SGIP1: variants seen among roughly 807,000 people sequenced by gnomAD.
SGIP1 encodes SH3GL interacting endocytic adaptor 1, also known as SH3-containing GRB2-like protein 3-interacting protein 1.
Under a neutral mutation model 107.5 loss-of-function variants are expected in SGIP1, and 38 were observed. The observed-to-expected ratio is 0.35, with a 90% CI of 0.27 to 0.46. The LOEUF is 0.46. Ranked by LOEUF, SGIP1 falls within the 20% of genes least tolerant of loss-of-function variation. SGIP1 has a pLI of 1.00. For missense variants in SGIP1, 929 were observed against 1,019.5 expected (o/e 0.91, Z 1.21); for synonymous variants, 365 against 366.1 (o/e 1.00, Z 0.03).
intron 2 of SGIP1, among the ~76,000 whole-genome samples, chr1:66,627,336 G>A (rs1028481221): frequency 4.6e-5 from 7 of 152,076 alleles, no homozygotes; most frequent in African/African-American, 1.7e-4. Flanking sequence ...AAGCAAAAGT[G>A]GAAAGGTAGT....
intron 19 of SGIP1, 88 bp from the exon 20 acceptor site, chr1:66,729,176 C>A (rs2093897513): frequency 1.4e-6 from 2 of 1,425,228 alleles, no homozygotes; most frequent in Non-Finnish European, 1.9e-6. Flanking sequence ...TTTAACATTG[C>A]CTCATAAATT....
At chr1:66,629,956 A>G (rs76679080) in intron 2 of SGIP1, among the ~76,000 whole-genome samples, 2,938 of 152,284 alleles carry the variant, frequency 0.019, 92 homozygotes, top group African/African-American at 0.067. Context: ...TATGATGGCT[A>G]TTTTATAGAT....
At chr1:66,674,535 G>A (rs1316586607) in intron 12 of SGIP1, among the ~76,000 whole-genome samples, 1 of 152,176 alleles carries the variant, frequency 6.6e-6, no homozygotes, top group Non-Finnish European at 1.5e-5. Context: ...AGAATTGGAA[G>A]CATAGTGGGT....
At chr1:66,688,224 A>C (rs980997726) in intron 15 of SGIP1, among the ~76,000 whole-genome samples, 3 of 152,240 alleles carry the variant, frequency 2.0e-5, no homozygotes, top group African/African-American at 7.2e-5. Flanking sequence ...AAACCTCAGG[A>C]GTAGTCAGAA....
chr1:66,659,064 A>C (rs1333688657), intron 7 of SGIP1, among the ~76,000 whole-genome samples: 1 of 152,184 alleles, frequency 6.6e-6, no homozygotes, highest in Non-Finnish European at 1.5e-5. Context: ...TGGGAAGGGA[A>C]GTTGGAGCCC....
intron 1 of SGIP1, among the ~76,000 whole-genome samples, chr1:66,579,804 A>C (rs901262145): frequency 1.3e-5 from 2 of 152,106 alleles, no homozygotes; most frequent in Non-Finnish European, 2.9e-5. Flanking sequence ...ATCCCACCCA[A>C]ATACAACTGG....
chr1:66,609,049 T>TATCCCACAGGGATGAA (rs1553253355), intron 1 of SGIP1, among the ~76,000 whole-genome samples: 5 of 152,130 alleles, frequency 3.3e-5, no homozygotes, highest in South Asian at 2.1e-4. Context: ...AGGTCACTTT[T>TATCCCACAGGGATGAA]GACACTTGAG....
intron 1 of SGIP1, among the ~76,000 whole-genome samples, chr1:66,552,270 G>A (rs1416630891): frequency 6.6e-6 from 1 of 152,156 alleles, no homozygotes; most frequent in East Asian, 1.9e-4. Flanking sequence ...TGCCCACTTT[G>A]TTGGCTATTG....
In SGIP1 at chr1:66,660,001, AGACAGACAGAC is replaced by A. The variant is rs1557497581; in HGVS notation, c.460-511_460-501del. The A allele has an allele frequency of 2.7e-3, 221 of 80,808 alleles. 1 individual carries two copies. Among genetic ancestry groups the A allele is most frequent in the Non-Finnish European group, 3.2e-3 (162 of 50,444 alleles). The allele number at this position is 80,808 out of a possible 1,614,324, so 5.0% of individuals were successfully genotyped here. On this transcript the variant is annotated intron_variant, in intron 7 of 24. Coordinates refer to ENST00000371037, the MANE Select transcript of SGIP1 (RefSeq NM_032291.4). The stretch of plus-strand genomic sequence containing the variant: ...AAGAAAGAAAGAAAGAAAGAAAGAC[AGACAGACAGAC>A]AGACAGGAAGGAAGGAAGGAAGGAA...
At chr1:66,662,596 C>A (rs986333088) in intron 8 of SGIP1, among the ~76,000 whole-genome samples, 25 of 152,124 alleles carry the variant, frequency 1.6e-4, no homozygotes, top group African/African-American at 6.0e-4. Context: ...TAGACATATT[C>A]ATTTTGAAAA....
chr1:66,638,845 G>T (rs112123208), intron 4 of SGIP1, among the ~76,000 whole-genome samples: 5 of 152,282 alleles, frequency 3.3e-5, no homozygotes, highest in Middle Eastern at 3.4e-3. Flanking sequence ...CAAGCCTCAT[G>T]CGTCACCATT....
intron 3 of SGIP1, among the ~76,000 whole-genome samples, chr1:66,633,651 C>T (rs1050804523): frequency 3.9e-5 from 6 of 152,122 alleles, no homozygotes; most frequent in Non-Finnish European, 8.8e-5. Flanking sequence ...TCCTTGCTGG[C>T]CACCAGAATT....
At chr1:66,728,101 T>C (rs2093841848) in intron 19 of SGIP1, among the ~76,000 whole-genome samples, 1 of 152,178 alleles carries the variant, frequency 6.6e-6, no homozygotes, top group African/African-American at 2.4e-5. Flanking sequence ...TGTTAACTTA[T>C]ATGACTGAGT....
intron 17 of SGIP1, among the ~76,000 whole-genome samples, chr1:66,693,680 T>A (rs2090331662): frequency 6.6e-6 from 1 of 152,190 alleles, no homozygotes; most frequent in African/African-American, 2.4e-5. Context: ...GAGTCAAAAA[T>A]CCCAATTACT....
rs1298018565 is a variant in SGIP1, at chr1:66,633,084, G to A, written c.89G>A (p.Arg30Lys). ...KDTDSTGSPD[R>K]DGIQPSPHEP... ...TTTTGTTACAGAGGTTCACCAGATA[G>A]AGATGGAATTGTAAGTATTTAAATA... The change falls in exon 3 of 25, where the codon AGA becomes AAA. Residue 30 changes from arginine to lysine, a missense_variant. By Grantham distance (26) the Arg-to-Lys change is conservative (BLOSUM62 2). Transcript: ENST00000371037. 1 of 1,537,120 alleles carries A rather than the reference G, an allele frequency of 6.5e-7. No homozygotes were observed. The highest frequency in any genetic ancestry group is 1.1e-5 in the South Asian group (1 of 88,918).
intron 1 of SGIP1, among the ~76,000 whole-genome samples, chr1:66,613,426 C>T (rs1016970993): frequency 3.4e-4 from 52 of 152,140 alleles, no homozygotes; most frequent in Non-Finnish European, 1.6e-4. Flanking sequence ...GCTTCTTGGG[C>T]TCAAGGAATA....
intron 1 of SGIP1, among the ~76,000 whole-genome samples, chr1:66,555,949 T>C (rs2058111957): frequency 6.6e-6 from 1 of 152,152 alleles, no homozygotes; most frequent in African/African-American, 2.4e-5. Flanking sequence ...TAGAACATGG[T>C]TAAGCCAGGA....
intron 20 of SGIP1, among the ~76,000 whole-genome samples, chr1:66,732,344 GCAA>G: frequency 6.6e-6 from 1 of 152,178 alleles, no homozygotes; most frequent in South Asian, 2.1e-4. Flanking sequence ...TGCTTGTATA[GCAA>G]CAGCTCTGGG....
At chr1:66,576,121 G>A (rs1344660969) in intron 1 of SGIP1, among the ~76,000 whole-genome samples, 3 of 152,196 alleles carry the variant, frequency 2.0e-5, no homozygotes, top group African/African-American at 7.2e-5. Context: ...CTTGGGATGG[G>A]TCCTTCTGGA....
Sources: gnomAD v4.1 joint callset for allele counts (sites outside exome capture counted in the v4.1 genomes callset) on GRCh38, gnomAD v4.1.1 for gene constraint, MANE v1.5 for transcripts, NCBI Gene and HGNC (gene_info 2026-07-23, HGNC 2026-07-21) for gene names.